Variants in DLG2 observed in about 807,000 individuals in gnomAD.
DLG2 encodes the protein discs large MAGUK scaffold protein 2, also known as disks large homolog 2.
DLG2 carries 45 observed loss-of-function variants against 132.5 expected under a neutral mutation model. That is an observed-to-expected ratio of 0.34 (90% CI 0.27 to 0.44). The LOEUF (loss-of-function observed/expected upper bound fraction) is 0.44, where lower values mean the gene tolerates loss of function less well. Ranked by LOEUF, DLG2 falls within the 20% of genes least tolerant of loss-of-function variation. The pLI, the probability that DLG2 is intolerant of heterozygous loss-of-function variation, is 1.00. For synonymous variants in DLG2, 424 were observed against 419.6 expected, an observed-to-expected ratio of 1.01 and a Z score of -0.13; for missense variants, 1,045 against 1,196.9, an observed-to-expected ratio of 0.87 and a Z score of 1.87.
chr11:85,328,831 A>G (rs1281870158), intron 3 of DLG2, among the ~76,000 whole-genome samples: 1 of 72,458 alleles, frequency 1.4e-5, no homozygotes, highest in African/African-American at 5.1e-5. Flanking sequence ...GAGGAAGTCA[A>G]ATTGTCCCTG....
At chr11:85,080,010 T>C (rs1254543313) in intron 6 of DLG2, among the ~76,000 whole-genome samples, 1 of 152,108 alleles carries the variant, frequency 6.6e-6, no homozygotes, top group South Asian at 2.1e-4. Context: ...AAAGGGGCCA[T>C]GTAAAAACCC....
chr11:83,938,674 T>G (rs2082017157), intron 14 of DLG2, among the ~76,000 whole-genome samples: 1 of 152,218 alleles, frequency 6.6e-6, no homozygotes, highest in African/African-American at 2.4e-5. Flanking sequence ...AAAAACCTAC[T>G]TTGTGGCAGG....
chr11:85,531,644 A>G (rs912951048), intron 3 of DLG2, among the ~76,000 whole-genome samples: 2 of 152,144 alleles, frequency 1.3e-5, no homozygotes, highest in Non-Finnish European at 2.9e-5. Context: ...CTCTGAGCCT[A>G]TCTTTGACAG....
chr11:83,638,168 A>C (rs1352446811), intron 18 of DLG2, among the ~76,000 whole-genome samples: 1 of 152,128 alleles, frequency 6.6e-6, no homozygotes, highest in Non-Finnish European at 1.5e-5. Context: ...ACCTCTATAT[A>C]TGATAACCCA....
chr11:85,116,450 G>A (rs1487791520), intron 5 of DLG2, among the ~76,000 whole-genome samples: 1 of 151,658 alleles, frequency 6.6e-6, no homozygotes, highest in Non-Finnish European at 1.5e-5. Flanking sequence ...CACATCATGT[G>A]TTCATTATGC....
At chr11:85,266,135 C>T (rs1029099949) in intron 4 of DLG2, among the ~76,000 whole-genome samples, 3 of 152,232 alleles carry the variant, frequency 2.0e-5, no homozygotes, top group Non-Finnish European at 4.4e-5. Flanking sequence ...ATCATTGTAG[C>T]ATGCCCTCTG....
chr11:85,609,875 G>T (rs4944526), intron 2 of DLG2, among the ~76,000 whole-genome samples: 2 of 152,026 alleles, frequency 1.3e-5, no homozygotes, highest in African/African-American at 4.8e-5. Flanking sequence ...TCTGTAACCA[G>T]GTATTTCTCC....
intron 8 of DLG2, among the ~76,000 whole-genome samples, chr11:84,208,607 G>T (rs1277137926): frequency 6.6e-6 from 1 of 152,116 alleles, no homozygotes; most frequent in African/African-American, 2.4e-5. Context: ...GCATCCCAAA[G>T]TGCTGGGATT....
intron 11 of DLG2, among the ~76,000 whole-genome samples, chr11:84,042,450 A>G (rs1266206531): frequency 1.3e-5 from 2 of 151,828 alleles, no homozygotes; most frequent in African/African-American, 2.4e-5. Flanking sequence ...CTTGCATAAA[A>G]TTTTTGTTAT....
chr11:84,143,605 G>A (rs984429749), intron 9 of DLG2, among the ~76,000 whole-genome samples: 51 of 152,030 alleles, frequency 3.4e-4, no homozygotes, highest in African/African-American at 5.6e-4. Flanking sequence ...TCAACATCAA[G>A]GTAAATGGAT....
In DLG2 at chr11:84,227,721, C is replaced by A. The variant is rs144480562; in HGVS notation, c.573+23517G>T. On this transcript the variant is annotated intron_variant, in intron 8 of 27. Transcript: ENST00000376104. The stretch of plus-strand genomic sequence containing the variant: ...CGGATCACAAGGTCAGGAGACCACC[C>A]TGGCCGACATAATGAAACCTTGTCT... Among the ~76,000 whole-genome samples, 6 of 152,132 alleles carry A rather than the reference C, an allele frequency of 3.9e-5. No individual in the cohort carries two copies. In the East Asian group the frequency reaches 1.2e-3, roughly 29 times the overall value.
chr11:84,030,849 G>A (rs2095670367), intron 11 of DLG2, among the ~76,000 whole-genome samples: 1 of 152,144 alleles, frequency 6.6e-6, no homozygotes, highest in African/African-American at 2.4e-5. Context: ...TATGAGTTGA[G>A]AGGAGGGAAA....
chr11:84,640,348 A>C, intron 6 of DLG2: 1 of 347,682 alleles, frequency 2.9e-6, no homozygotes, highest in South Asian at 2.5e-5. Flanking sequence ...TTGGATGAAA[A>C]ATAAATCCTC....
chr11:84,520,396 C>T (rs1289930496), intron 7 of DLG2, among the ~76,000 whole-genome samples: 4 of 152,204 alleles, frequency 2.6e-5, no homozygotes, highest in Non-Finnish European at 5.9e-5. Context: ...GCACCCCAAT[C>T]TGCTGCCATT....
At chr11:83,629,333 C>A (rs1253828321) in intron 19 of DLG2, among the ~76,000 whole-genome samples, 1 of 152,148 alleles carries the variant, frequency 6.6e-6, no homozygotes, top group Non-Finnish European at 1.5e-5. Context: ...TTTCTTAAAT[C>A]CACATTCAAA....
At chr11:83,636,575 T>G (rs963364555) in intron 18 of DLG2, among the ~76,000 whole-genome samples, 1 of 152,164 alleles carries the variant, frequency 6.6e-6, no homozygotes, top group Non-Finnish European at 1.5e-5. Flanking sequence ...CTGTTATTTT[T>G]ATTGTTCTCC....
chr11:84,438,033 ACCATGAATCTG>A (rs1567633670), intron 7 of DLG2, among the ~76,000 whole-genome samples: 2 of 152,150 alleles, frequency 1.3e-5, no homozygotes, highest in African/African-American at 4.8e-5. Context: ...AGGCAGAACC[ACCATGAATCTG>A]CCCCTGCAGG....
At chr11:85,100,856 T>G (rs1234861859) in intron 6 of DLG2, among the ~76,000 whole-genome samples, 2 of 152,160 alleles carry the variant, frequency 1.3e-5, no homozygotes, top group African/African-American at 4.8e-5. Context: ...GAGAGGCTCA[T>G]AAACGTGAAT....
intron 18 of DLG2, among the ~76,000 whole-genome samples, chr11:83,667,273 CCA>C (rs1459999665): frequency 6.6e-6 from 1 of 152,066 alleles, no homozygotes; most frequent in Non-Finnish European, 1.5e-5. Flanking sequence ...GGACTTATTA[CCA>C]TTTAATGGTG....
Sources: allele counts gnomAD v4.1 joint callset (sites outside exome capture counted in the v4.1 genomes callset), GRCh38; gene constraint gnomAD v4.1.1; transcripts MANE v1.5; gene names NCBI Gene and HGNC (gene_info 2026-07-23, HGNC 2026-07-21).